The following HS6ST3 variants were observed in gnomAD, a reference collection of about 807,000 sequenced individuals.
The protein encoded by HS6ST3 is heparan-sulfate 6-O-sulfotransferase 3.
In HS6ST3, 12 loss-of-function variants were observed where a neutral mutation model predicts 36.7. The ratio of observed to expected loss-of-function variants is 0.33; its 90% confidence interval spans 0.21 to 0.53. The LOEUF (loss-of-function observed/expected upper bound fraction) is 0.53, where lower values mean the gene tolerates loss of function less well. HS6ST3 is among the 20% of genes least tolerant of loss of function. The probability of loss-of-function intolerance (pLI) is 0.95; values close to 1 mark genes in which losing one functional copy is unlikely to be tolerated. For synonymous variants in HS6ST3, 240 were observed against 257.5 expected, an observed-to-expected ratio of 0.93 and a Z score of 0.65; for missense variants, 584 against 640.9, an observed-to-expected ratio of 0.91 and a Z score of 0.96.
intron 1 of HS6ST3, among the ~76,000 whole-genome samples, chr13:96,096,017 C>A (rs1025673142): frequency 2.0e-5 from 3 of 151,892 alleles, no homozygotes; most frequent in African/African-American, 7.3e-5. Context: ...AATAAATGAA[C>A]CTTCAGATCT....
intron 1 of HS6ST3, among the ~76,000 whole-genome samples, chr13:96,406,641 C>T (rs2055479917): frequency 6.6e-6 from 1 of 152,254 alleles, no homozygotes; most frequent in Middle Eastern, 3.4e-3. Context: ...TCTAAAAATG[C>T]AGTTAGTGTT....
At chr13:96,601,925 A>G (rs935590157) in intron 1 of HS6ST3, among the ~76,000 whole-genome samples, 18 of 152,142 alleles carry the variant, frequency 1.2e-4, no homozygotes, top group African/African-American at 4.3e-4. Context: ...GATGCTGGTT[A>G]TAGTAGTGAT....
intron 1 of HS6ST3, among the ~76,000 whole-genome samples, chr13:96,306,225 T>A (rs1057140135): frequency 4.6e-5 from 7 of 151,220 alleles, no homozygotes; most frequent in African/African-American, 1.7e-4. Context: ...TCCCTCAGCC[T>A]CCCAAGTAGC....
intron 1 of HS6ST3, among the ~76,000 whole-genome samples, chr13:96,614,322 A>AAAAAAC (rs2056466671): frequency 6.7e-6 from 1 of 148,394 alleles, no homozygotes; most frequent in African/African-American, 2.6e-5. Flanking sequence ...AAAAAAAAAA[A>AAAAAAC]AAAAAACAGT....
chr13:96,153,250 A>G (rs1215302577), intron 1 of HS6ST3, among the ~76,000 whole-genome samples: 1 of 152,208 alleles, frequency 6.6e-6, no homozygotes. Flanking sequence ...CCCTCATTAC[A>G]GGCGTTGAGT....
chr13:96,421,744 T>C (rs763304909), intron 1 of HS6ST3, among the ~76,000 whole-genome samples: 10 of 152,212 alleles, frequency 6.6e-5, no homozygotes, highest in Non-Finnish European at 1.5e-4. Flanking sequence ...TTCCATAGTA[T>C]TTTGAAAACG....
chr13:96,717,760 A>G (rs1045463418), intron 1 of HS6ST3, among the ~76,000 whole-genome samples: 5 of 152,198 alleles, frequency 3.3e-5, no homozygotes, highest in Non-Finnish European at 5.9e-5. Flanking sequence ...GTGAATGTGA[A>G]CTTAAGCCTG....
intron 1 of HS6ST3, among the ~76,000 whole-genome samples, chr13:96,505,586 T>C (rs1372309190): frequency 2.0e-5 from 3 of 152,138 alleles, no homozygotes; most frequent in African/African-American, 7.2e-5. Flanking sequence ...TTGAAATGAA[T>C]TGAGGAAAAC....
chr13:96,728,789 T>C (rs1272476268), intron 1 of HS6ST3, among the ~76,000 whole-genome samples: 1 of 152,194 alleles, frequency 6.6e-6, no homozygotes, highest in East Asian at 1.9e-4. Flanking sequence ...CAATTGTTTT[T>C]TTTCCTGAGC....
intron 1 of HS6ST3, among the ~76,000 whole-genome samples, chr13:96,724,070 C>CTT (rs1160420963): frequency 9.2e-5 from 14 of 152,176 alleles, no homozygotes; most frequent in Non-Finnish European, 1.5e-5. Context: ...TTCGTCCCAG[C>CTT]AGGCTCCTCA....
intron 1 of HS6ST3, among the ~76,000 whole-genome samples, chr13:96,716,430 A>G (rs988704437): frequency 1.3e-5 from 2 of 152,172 alleles, no homozygotes; most frequent in African/African-American, 4.8e-5. Flanking sequence ...CAAGAGTGCA[A>G]CTTAAATTCC....
At chr13:96,285,912 C>T (rs1256383612) in intron 1 of HS6ST3, among the ~76,000 whole-genome samples, 1 of 148,956 alleles carries the variant, frequency 6.7e-6, no homozygotes, top group Non-Finnish European at 1.5e-5. Context: ...TCTCTCTCTC[C>T]CCCACTTTCC....
chr13:96,583,822 A>G (rs2056351164), intron 1 of HS6ST3, among the ~76,000 whole-genome samples: 1 of 152,110 alleles, frequency 6.6e-6, no homozygotes, highest in African/African-American at 2.4e-5. Flanking sequence ...TCTTATCTAA[A>G]GATGAGTTTC....
intron 1 of HS6ST3, among the ~76,000 whole-genome samples, chr13:96,289,029 T>C (rs958397105): frequency 8.6e-5 from 13 of 151,880 alleles, no homozygotes; most frequent in African/African-American, 3.1e-4. Flanking sequence ...GAAATGGAAA[T>C]AGGAAAAGTA....
At chr13:96,430,700 A>C (rs2055611006) in intron 1 of HS6ST3, among the ~76,000 whole-genome samples, 1 of 152,134 alleles carries the variant, frequency 6.6e-6, no homozygotes, top group Non-Finnish European at 1.5e-5. Flanking sequence ...CCTGAGGCCA[A>C]CTTCCCATTG....
At chr13:96,584,886 T>C (rs937201480) in intron 1 of HS6ST3, among the ~76,000 whole-genome samples, 13 of 152,176 alleles carry the variant, frequency 8.5e-5, no homozygotes, top group Admixed American at 3.9e-4. Flanking sequence ...CATTGAGGGT[T>C]CACTTGCAGA....
At chr13:96,202,990 A>G (rs2054350408) in intron 1 of HS6ST3, among the ~76,000 whole-genome samples, 1 of 152,152 alleles carries the variant, frequency 6.6e-6, no homozygotes, top group Non-Finnish European at 1.5e-5. Context: ...TCAGTTCTTC[A>G]ACTCATTCAC....
chr13:96,626,554 T>C (rs2056513111), intron 1 of HS6ST3, among the ~76,000 whole-genome samples: 1 of 152,104 alleles, frequency 6.6e-6, no homozygotes, highest in South Asian at 2.1e-4. Flanking sequence ...GGACAAGTAT[T>C]CTATTTTATT....
intron 1 of HS6ST3, among the ~76,000 whole-genome samples, chr13:96,721,168 T>A (rs1029234818): frequency 1.3e-5 from 2 of 152,218 alleles, no homozygotes; most frequent in African/African-American, 4.8e-5. Context: ...AGCAAGGTGT[T>A]CATGTGTTTT....
Sources: gnomAD v4.1 joint callset for allele counts (sites outside exome capture counted in the v4.1 genomes callset) on GRCh38, gnomAD v4.1.1 for gene constraint, MANE v1.5 for transcripts, NCBI Gene and HGNC (gene_info 2026-07-23, HGNC 2026-07-21) for gene names.